Variants in CCDC92 observed in about 807,000 individuals in gnomAD.
CCDC92 encodes coiled-coil domain-containing protein 92.
In CCDC92, 12 loss-of-function variants were observed where a neutral mutation model predicts 24.9. That is an observed-to-expected ratio of 0.48 (90% CI 0.31 to 0.78). CCDC92 has a LOEUF of 0.78. CCDC92 is among the 30% of genes least tolerant of loss of function. The pLI is 0.05. For synonymous variants in CCDC92, 193 were observed against 196.3 expected (o/e 0.98, Z 0.14); for missense variants, 399 against 439.4 (o/e 0.91, Z 0.82).
chr12:123,943,969 G>A, intron 2 of CCDC92: 1 of 498,208 alleles, frequency 2.0e-6, no homozygotes, highest in Non-Finnish European at 3.5e-6. Flanking sequence ...AGATTTCCCT[G>A]ACCAGGAAGC....
At chr12:123,941,139 G>A (rs922297075) in intron 4 of CCDC92, among the ~76,000 whole-genome samples, 1 of 152,218 alleles carries the variant, frequency 6.6e-6, no homozygotes, top group Admixed American at 6.5e-5. Flanking sequence ...GAGCGAGGAC[G>A]CCCTGGCTTC....
intron 4 of CCDC92, among the ~76,000 whole-genome samples, chr12:123,940,317 GTTC>G (rs1955645320): frequency 6.6e-6 from 1 of 152,184 alleles, no homozygotes; most frequent in South Asian, 2.1e-4. Flanking sequence ...CATCACTCTG[GTTC>G]TTTTCGCCAC....
intron 1 of CCDC92, chr12:123,960,575 A>C (rs1420948655): frequency 6.6e-6 from 1 of 152,204 alleles, no homozygotes. Context: ...GCCGTGTCGC[A>C]TGTAAGCTCA....
chr12:123,941,886 A>G lies in CCDC92; in HGVS notation c.223+858T>C, dbSNP rs765012385. Among the ~76,000 whole-genome samples the G allele has an allele frequency of 2.0e-5, 3 of 152,220 alleles. 1 individual carries two copies. Among genetic ancestry groups the G allele is most frequent in the Non-Finnish European group, 4.4e-5 (3 of 68,034 alleles). The stretch of plus-strand genomic sequence containing the variant: ...GTCAATGGAAACTGGACACAGTCAT[A>G]GGGCAATTGCATCAGGTTATGAAGA... On this transcript the variant is annotated intron_variant, in intron 4 of 4. Coordinates refer to ENST00000238156, the MANE Select transcript of CCDC92 (RefSeq NM_025140.3).
Position 123,936,955 on chromosome 12 carries a change from G to T in CCDC92, c.*103C>A. 1 of 1,342,094 alleles carries T rather than the reference G, an allele frequency of 7.5e-7. No homozygotes were observed. The allele number at this position is 1,342,094 out of a possible 1,614,324, so 83.1% of individuals were successfully genotyped here. A position where few individuals can be genotyped will look rare whatever the true frequency, so the allele number is the denominator to read the frequency against. ...AGAAGGAGAATGGGTCGGTAGGTGTGAAAAGTGTTTGGCATGCATGGGATT... is the reference window on the plus strand; with the variant it reads ...AGAAGGAGAATGGGTCGGTAGGTGTTAAAAGTGTTTGGCATGCATGGGATT... On this transcript the variant is annotated 3_prime_UTR_variant, in exon 5 of 5. Transcript: ENST00000238156.
intron 1 of CCDC92, among the ~76,000 whole-genome samples, chr12:123,958,458 T>C (rs1421734069): frequency 6.6e-6 from 1 of 152,272 alleles, no homozygotes; most frequent in African/African-American, 2.4e-5. Flanking sequence ...TTCCAAAGGC[T>C]GCCACCTCCT....
chr12:123,954,871 C>T (rs1381862763), intron 1 of CCDC92, among the ~76,000 whole-genome samples: 1 of 152,224 alleles, frequency 6.6e-6, no homozygotes, highest in African/African-American at 2.4e-5. Context: ...GGAGGGAGCA[C>T]CAGCATTCCA....
intron 4 of CCDC92, among the ~76,000 whole-genome samples, chr12:123,941,124 A>G (rs1016680949): frequency 6.6e-6 from 1 of 152,194 alleles, no homozygotes; most frequent in Non-Finnish European, 1.5e-5. Flanking sequence ...CCAGGAGAGG[A>G]CAGGGAGCGA....
At chr12:123,965,599 C>G (rs986602675) in intron 1 of CCDC92, among the ~76,000 whole-genome samples, 4 of 151,990 alleles carry the variant, frequency 2.6e-5, no homozygotes. Flanking sequence ...TATCTATGGT[C>G]AGTCATCTTT....
At position 123,936,460 on chromosome 12, in the gene CCDC92, T is replaced by A. The variant is rs987434369; in HGVS notation, c.*598A>T. ...GGATCTTAAACATTTTGGATAAAAC[T>A]AACAAAAAAATATGAACACACATTC... is the stretch of plus-strand genomic sequence containing the variant. On this transcript the variant is annotated 3_prime_UTR_variant, in exon 5 of 5. Transcript: ENST00000238156. 2 of 153,178 alleles carry A rather than the reference T, an allele frequency of 1.3e-5. No homozygotes were observed. The highest frequency in any genetic ancestry group is 2.4e-5 in the African/African-American group (1 of 41,472). The allele number at this position is 153,178 out of a possible 1,614,324, so 9.5% of individuals were successfully genotyped here.
chr12:123,954,134 T>C (rs1440646366), intron 1 of CCDC92, among the ~76,000 whole-genome samples: 3 of 152,162 alleles, frequency 2.0e-5, no homozygotes, highest in Non-Finnish European at 4.4e-5. Context: ...ACTAACAAAG[T>C]AGTATCATAT....
At chr12:123,953,776 T>TCAAAAA (rs58795770) in intron 1 of CCDC92, among the ~76,000 whole-genome samples, 43,125 of 148,970 alleles carry the variant, frequency 0.29, 6,496 homozygotes, top group Middle Eastern at 0.36. Context: ...AGACTCCGTC[T>TCAAAAA]CAAAAACAAA....
At chr12:123,938,436 T>C (rs924604430) in intron 4 of CCDC92, among the ~76,000 whole-genome samples, 2 of 151,952 alleles carry the variant, frequency 1.3e-5, no homozygotes, top group Non-Finnish European at 2.9e-5. Context: ...GGTCCCTCCC[T>C]GCCCCTGCCC....
intron 1 of CCDC92, among the ~76,000 whole-genome samples, chr12:123,970,834 A>AT (rs1389442891): frequency 2.0e-5 from 3 of 152,236 alleles, no homozygotes; most frequent in Admixed American, 1.3e-4. Context: ...TAACATAAGT[A>AT]TTTTTTAAAA....
chr12:123,963,512 C>G (rs540155917), intron 1 of CCDC92, among the ~76,000 whole-genome samples: 12 of 152,334 alleles, frequency 7.9e-5, no homozygotes, highest in African/African-American at 2.9e-4. Context: ...ATGACTGGAA[C>G]ACTGGATCAG....
intron 1 of CCDC92, among the ~76,000 whole-genome samples, chr12:123,948,570 C>T (rs1827138452): frequency 6.6e-6 from 1 of 152,196 alleles, no homozygotes; most frequent in Admixed American, 6.5e-5. Flanking sequence ...CACTCGGAGC[C>T]CTCACAGTGG....
At chr12:123,947,949 C>T (rs552030725) in intron 1 of CCDC92, among the ~76,000 whole-genome samples, 31 of 152,226 alleles carry the variant, frequency 2.0e-4, no homozygotes, top group African/African-American at 7.2e-4. Flanking sequence ...CCAGTGAGAC[C>T]GCGAACCCAC....
At chr12:123,946,190 G>A (rs1197398482) in intron 1 of CCDC92, 1 of 152,290 alleles carries the variant, frequency 6.6e-6, no homozygotes, top group Non-Finnish European at 1.5e-5. Context: ...TTTAAATTGA[G>A]ACTACTTAAA....
intron 1 of CCDC92, among the ~76,000 whole-genome samples, chr12:123,954,869 C>A (rs1383074940): frequency 6.6e-6 from 1 of 152,248 alleles, no homozygotes; most frequent in Admixed American, 6.5e-5. Flanking sequence ...GAGGAGGGAG[C>A]ACCAGCATTC....
Sources: gnomAD v4.1 joint callset for allele counts (sites outside exome capture counted in the v4.1 genomes callset) on GRCh38, gnomAD v4.1.1 for gene constraint, MANE v1.5 for transcripts, NCBI Gene and HGNC (gene_info 2026-07-23, HGNC 2026-07-21) for gene names.